Variants in NBAS observed in about 807,000 individuals in gnomAD.
NBAS encodes NAG/BC035112 fusion.
Under a neutral mutation model 302.5 loss-of-function variants are expected in NBAS, and 219 were observed. The observed-to-expected ratio is 0.72, with a 90% confidence interval of 0.65 to 0.81. The LOEUF (loss-of-function observed/expected upper bound fraction) is 0.81, where lower values mean the gene tolerates loss of function less well. NBAS is among the 30% of genes least tolerant of loss of function. The pLI is 0.00. For synonymous variants in NBAS, 1,118 were observed against 1,021.6 expected (o/e 1.09, Z -1.80); for missense variants, 2,932 against 2,841.6 (o/e 1.03, Z -0.72).
chr2:15,197,179 T>C (rs1234059808), intron 48 of NBAS, among the ~76,000 whole-genome samples: 1 of 152,204 alleles, frequency 6.6e-6, no homozygotes, highest in East Asian at 1.9e-4. Context: ...AAGAGCCGTC[T>C]CAATGCTATG....
chr2:15,554,203 T>G, intron 3 of NBAS, 65 bp from the exon 4 acceptor site: 1 of 1,223,456 alleles, frequency 8.2e-7, no homozygotes, highest in Non-Finnish European at 1.2e-6. Flanking sequence ...TGCAGACAAA[T>G]AGCACATATA....
chr2:15,325,080 G>A (rs2148215300), intron 38 of NBAS, among the ~76,000 whole-genome samples: 1 of 152,270 alleles, frequency 6.6e-6, no homozygotes. Flanking sequence ...CTCCAAGAAA[G>A]CAGCCATCTT....
chr2:15,005,326 G>A, the NBAS span, among the ~76,000 whole-genome samples: 3 of 152,162 alleles, frequency 2.0e-5, no homozygotes, highest in Admixed American at 6.5e-5. Flanking sequence ...GTTCTATTCT[G>A]TTGCTTCTAT....
the NBAS span, among the ~76,000 whole-genome samples, chr2:14,943,033 T>C: frequency 6.6e-6 from 1 of 152,240 alleles, no homozygotes; most frequent in African/African-American, 2.4e-5. Context: ...TTATTATGGC[T>C]AATGAACAGC....
intron 28 of NBAS, among the ~76,000 whole-genome samples, chr2:15,393,964 C>T (rs565573423): frequency 2.0e-5 from 3 of 151,640 alleles, no homozygotes; most frequent in African/African-American, 4.8e-5. Context: ...GAAGGGAGCA[C>T]GATAAAGAAA....
chr2:15,051,168 G>A, the NBAS span, among the ~76,000 whole-genome samples: 4 of 152,172 alleles, frequency 2.6e-5, no homozygotes, highest in Admixed American at 6.5e-5. Flanking sequence ...GCTGAACAAC[G>A]AAGACATCCC....
At chr2:15,414,669 G>A (rs1676834402) in intron 25 of NBAS, among the ~76,000 whole-genome samples, 3 of 152,320 alleles carry the variant, frequency 2.0e-5, no homozygotes, top group Admixed American at 2.0e-4. Context: ...TATCGGCCGT[G>A]CGCAGTGGCT....
intron 46 of NBAS, 134 bp from the exon 47 acceptor site, chr2:15,232,645 T>A (rs974757268): frequency 1.3e-6 from 1 of 757,024 alleles, no homozygotes; most frequent in Non-Finnish European, 2.3e-6. Context: ...ATTTGTGCTA[T>A]GTGATGTCTA....
chr2:15,116,243 G>T, the NBAS span, among the ~76,000 whole-genome samples: 11 of 152,276 alleles, frequency 7.2e-5, no homozygotes, highest in Admixed American at 2.6e-4. Context: ...TCTTGAAAAG[G>T]TATCTTAGCT....
the NBAS span, among the ~76,000 whole-genome samples, chr2:14,795,000 T>C: frequency 6.6e-6 from 1 of 152,250 alleles, no homozygotes; most frequent in Non-Finnish European, 1.5e-5. Context: ...TCCATTCGCC[T>C]GTTAATGAAC....
intron 3 of NBAS, among the ~76,000 whole-genome samples, chr2:15,554,536 T>G (rs1030975262): frequency 1.3e-5 from 2 of 150,304 alleles, no homozygotes; most frequent in African/African-American, 4.9e-5. Flanking sequence ...TTCCAAGTAC[T>G]AGAAATGAAA....
At chr2:15,557,808 A>C (rs1664717393) in intron 2 of NBAS, among the ~76,000 whole-genome samples, 1 of 152,190 alleles carries the variant, frequency 6.6e-6, no homozygotes. Context: ...GACTCTATTA[A>C]TGAATATGGT....
At chr2:15,496,376 C>A (rs1359735681) in intron 11 of NBAS, among the ~76,000 whole-genome samples, 1 of 151,802 alleles carries the variant, frequency 6.6e-6, no homozygotes, top group African/African-American at 2.4e-5. Flanking sequence ...TTTTCCAGAG[C>A]GATAAGATGT....
chr2:15,159,621 A>G, the NBAS span, among the ~76,000 whole-genome samples: 2 of 150,062 alleles, frequency 1.3e-5, no homozygotes, highest in Non-Finnish European at 3.0e-5. Flanking sequence ...GGGGGGAGGA[A>G]AGAATGGGGG....
chr2:15,361,980 CA>C lies in NBAS; in HGVS notation c.3817+4599del, dbSNP rs796485418. ...GAGAAACAGGAGTGAAACTCCATCT[CA>C]AAAAAAAAAAAAATTCCAGGAAAAA... On this transcript the variant is annotated intron_variant, in intron 32 of 51. Transcript: ENST00000281513. Among the ~76,000 whole-genome samples, 159 of 114,738 alleles carry C rather than the reference CA, an allele frequency of 1.4e-3. 1 individual carries two copies. Among genetic ancestry groups the C allele is most frequent in the East Asian group, 3.2e-3 (13 of 4,078 alleles). The allele number at this position is 114,738 out of a possible 152,430, so 75.3% of individuals were successfully genotyped here. A position where few individuals can be genotyped will look rare whatever the true frequency, so the allele number is the denominator to read the frequency against.
rs755213908 is a variant in NBAS, at chr2:15,561,289, A to C, written c.16T>G (p.Ser6Ala). The change falls in exon 1 of 52, where the codon TCA (serine) becomes GCA (alanine). Residue 6 changes from serine to alanine, a missense_variant. Transcript: ENST00000281513. ...GTGCCTGGACTCAAAGCCGGCCCTG[A>C]CTCGGGGGCCGCCATGTTCGCCGAG... MAAPE[S>A]GPALSPGTAE... The C allele has an allele frequency of 6.4e-5, 104 of 1,612,866 alleles. No homozygotes were observed. The highest frequency in any genetic ancestry group is 2.5e-4 in the Admixed American group (15 of 59,952).
the NBAS span, among the ~76,000 whole-genome samples, chr2:15,067,159 CAAAAAAAAAAAAAAAAA>C: frequency 2.1e-5 from 2 of 93,344 alleles, no homozygotes; most frequent in South Asian, 7.3e-4. Flanking sequence ...CTTATCTCCA[CAAAAAAAAAAAAAAAAA>C]AAAAAAAAAA....
At chr2:15,090,887 C>T in the NBAS span, among the ~76,000 whole-genome samples, 4 of 152,108 alleles carry the variant, frequency 2.6e-5, no homozygotes, top group African/African-American at 7.2e-5. Context: ...GCAGTCTTAT[C>T]GTGAAGAGAA....
At chr2:14,909,366 T>TAA in the NBAS span, among the ~76,000 whole-genome samples, 52 of 78,528 alleles carry the variant, frequency 6.6e-4, 1 homozygote, top group East Asian at 1.2e-3. Context: ...GGAGAGTTTC[T>TAA]AAAAAAAAAA....
Sources: gnomAD v4.1 joint callset for allele counts (sites outside exome capture counted in the v4.1 genomes callset) on GRCh38, gnomAD v4.1.1 for gene constraint, MANE v1.5 for transcripts, NCBI Gene and HGNC (gene_info 2026-07-23, HGNC 2026-07-21) for gene names.